FILIP1L: variants seen among roughly 807,000 people sequenced by gnomAD.
FILIP1L encodes the protein filamin A-interacting protein 1-like.
In FILIP1L, 55 loss-of-function variants were observed where a neutral mutation model predicts 96.6. The observed-to-expected ratio is 0.57, with a 90% CI of 0.46 to 0.71. FILIP1L has a LOEUF of 0.71. FILIP1L is among the 30% of genes least tolerant of loss of function. FILIP1L has a pLI of 0.00. For missense variants in FILIP1L, 1,304 were observed against 1,321.2 expected (o/e 0.99, Z 0.20); for synonymous variants, 467 against 473.9 (o/e 0.99, Z 0.19).
chr3:99,954,337 C>T lies in FILIP1L; in HGVS notation c.-10-23307G>A, dbSNP rs116358270. Reference sequence around the variant, plus strand: ...GAGTATAATATTCATGCTAGACACACTTTGGGCCAGTATCTCACATAATAA... The same window carrying T: ...GAGTATAATATTCATGCTAGACACATTTTGGGCCAGTATCTCACATAATAA... On this transcript the variant is annotated intron_variant, in intron 1 of 5. Coordinates refer to ENST00000477258, the MANE Select transcript of FILIP1L (RefSeq NM_001387850.1). Among the ~76,000 whole-genome samples, 930 of 152,296 alleles carry T rather than the reference C, an allele frequency of 6.1e-3. 10 individuals are homozygous for T. The highest frequency in any genetic ancestry group is 0.021 in the African/African-American group (878 of 41,554).
rs1707427471 is a variant in FILIP1L, at chr3:99,930,032, G to A, written c.253-3C>T. On this transcript the variant is annotated splice_polypyrimidine_tract_variant and splice_region_variant and intron_variant, in intron 2 of 5. Transcript: ENST00000477258. ...ATGCCTATGACCTCATCTCGAGCCT[G>A]TAGGAACAAAAAGTATTTCAGAAAG... The A allele has an allele frequency of 2.5e-6, 4 of 1,593,730 alleles. No homozygotes were observed. The highest frequency in any genetic ancestry group is 2.3e-5 in the South Asian group (2 of 87,636).
chr3:99,840,527 A>G (rs1303488847), intron 5 of FILIP1L, among the ~76,000 whole-genome samples: 1 of 152,160 alleles, frequency 6.6e-6, no homozygotes, highest in Admixed American at 6.5e-5. Flanking sequence ...CAGCCAATTC[A>G]TAGAATCTTA....
intron 1 of FILIP1L, among the ~76,000 whole-genome samples, chr3:100,054,953 T>G (rs1483363111): frequency 6.6e-6 from 1 of 152,236 alleles, no homozygotes. Context: ...TCCAGAAACT[T>G]CTGAATGCCC....
At chr3:100,103,875 G>A (rs759367510) in intron 1 of FILIP1L, among the ~76,000 whole-genome samples, 2 of 152,200 alleles carry the variant, frequency 1.3e-5, no homozygotes, top group Admixed American at 6.5e-5. Context: ...TCAATGAACA[G>A]CTGATATTTA....
intron 1 of FILIP1L, among the ~76,000 whole-genome samples, chr3:99,943,664 A>C (rs1355247862): frequency 6.6e-6 from 1 of 152,114 alleles, no homozygotes; most frequent in Non-Finnish European, 1.5e-5. Flanking sequence ...AGATCACGCC[A>C]CTGCACTCCA....
chr3:99,894,638 C>T (rs1018769396), intron 4 of FILIP1L, among the ~76,000 whole-genome samples: 1 of 152,144 alleles, frequency 6.6e-6, no homozygotes, highest in African/African-American at 2.4e-5. Context: ...AGTTTACTAT[C>T]TTGCAGAAAG....
intron 4 of FILIP1L, among the ~76,000 whole-genome samples, chr3:99,856,659 C>T (rs1421390276): frequency 6.6e-6 from 1 of 152,148 alleles, no homozygotes; most frequent in Non-Finnish European, 1.5e-5. Flanking sequence ...ATACCAGTTC[C>T]TTATTTTTTC....
At chr3:100,010,760 G>A (rs1370244026) in intron 1 of FILIP1L, among the ~76,000 whole-genome samples, 2 of 149,058 alleles carry the variant, frequency 1.3e-5, no homozygotes, top group Non-Finnish European at 3.0e-5. Context: ...GATTACAGGT[G>A]CGCGCCTCCA....
At chr3:99,939,585 A>G (rs2107674659) in intron 1 of FILIP1L, among the ~76,000 whole-genome samples, 1 of 152,350 alleles carries the variant, frequency 6.6e-6, no homozygotes, top group East Asian at 1.9e-4. Context: ...TAAAGCAGTG[A>G]ATTGGTGAAG....
chr3:99,834,440 A>G (rs1407661448), intron 5 of FILIP1L, among the ~76,000 whole-genome samples: 2 of 152,216 alleles, frequency 1.3e-5, no homozygotes, highest in African/African-American at 4.8e-5. Flanking sequence ...TGGAAATTAT[A>G]CAGTCAGCAG....
chr3:99,838,885 C>G (rs1217212325), intron 5 of FILIP1L, among the ~76,000 whole-genome samples: 1 of 152,160 alleles, frequency 6.6e-6, no homozygotes, highest in Non-Finnish European at 1.5e-5. Flanking sequence ...CAGAAACCTT[C>G]TGTGAAGACA....
intron 1 of FILIP1L, among the ~76,000 whole-genome samples, chr3:100,006,316 TC>T (rs1332946818): frequency 6.6e-6 from 1 of 152,292 alleles, no homozygotes; most frequent in South Asian, 2.1e-4. Flanking sequence ...ACAAGTCATT[TC>T]CCTAAATAAT....
chr3:99,976,262 G>A (rs1242136623), intron 1 of FILIP1L, among the ~76,000 whole-genome samples: 1 of 152,170 alleles, frequency 6.6e-6, no homozygotes, highest in Admixed American at 6.6e-5. Context: ...TACTTGAGGA[G>A]AGTAAAAAGA....
chr3:99,970,314 C>G (rs990721584), intron 1 of FILIP1L, among the ~76,000 whole-genome samples: 1 of 152,208 alleles, frequency 6.6e-6, no homozygotes, highest in East Asian at 1.9e-4. Context: ...ATAGGGAATG[C>G]CCACCTTACC....
At chr3:100,087,502 T>C (rs1465290472) in intron 1 of FILIP1L, among the ~76,000 whole-genome samples, 1 of 152,234 alleles carries the variant, frequency 6.6e-6, no homozygotes, top group Non-Finnish European at 1.5e-5. Context: ...TGAGCATCTT[T>C]TCATAGACCT....
intron 4 of FILIP1L, among the ~76,000 whole-genome samples, chr3:99,869,676 A>G (rs1194621911): frequency 6.6e-6 from 1 of 152,204 alleles, no homozygotes. Context: ...CTTCAAATTT[A>G]ACAGGCAGAC....
chr3:99,900,454 A>G (rs1706398830), intron 4 of FILIP1L, among the ~76,000 whole-genome samples: 1 of 152,232 alleles, frequency 6.6e-6, no homozygotes, highest in South Asian at 2.1e-4. Flanking sequence ...AGTCTCTAAG[A>G]GGTCATAAAT....
intron 1 of FILIP1L, among the ~76,000 whole-genome samples, chr3:100,063,509 T>C (rs996921188): frequency 6.6e-6 from 1 of 152,158 alleles, no homozygotes; most frequent in Non-Finnish European, 1.5e-5. Context: ...AAAGAAAAAC[T>C]TTATAAATCA....
chr3:99,971,132 T>A (rs1316584480), intron 1 of FILIP1L, among the ~76,000 whole-genome samples: 5 of 152,106 alleles, frequency 3.3e-5, no homozygotes, highest in Non-Finnish European at 7.4e-5. Flanking sequence ...GGTCAGGAGA[T>A]CGAGACCATC....
Sources: gnomAD v4.1 joint callset for allele counts (sites outside exome capture counted in the v4.1 genomes callset) on GRCh38, gnomAD v4.1.1 for gene constraint, MANE v1.5 for transcripts, NCBI Gene and HGNC (gene_info 2026-07-23, HGNC 2026-07-21) for gene names.